Variants in TTN observed in about 807,000 individuals in gnomAD.
TTN encodes the protein titin.
TTN carries 1,525 observed loss-of-function variants against 3,223.0 expected under a neutral mutation model. The ratio of observed to expected loss-of-function variants is 0.47; its 90% CI spans 0.45 to 0.49. TTN has a LOEUF of 0.49. TTN is among the 20% of genes least tolerant of loss of function. TTN has a pLI of 0.00. For synonymous variants in TTN, 14,094 were observed against 15,161.0 expected, an observed-to-expected ratio of 0.93 and a Z score of 5.17; for missense variants, 40,786 against 43,424.0, an observed-to-expected ratio of 0.94 and a Z score of 5.40.
At position 178,545,705 on chromosome 2, in the gene TTN, A is replaced by G. The variant is rs1432461079; in HGVS notation, c.95417-12T>C. 1 of 1,607,968 alleles carries G rather than the reference A, an allele frequency of 6.2e-7. No homozygotes were observed. On this transcript the variant is annotated splice_polypyrimidine_tract_variant and intron_variant, in intron 343 of 362. Coordinates refer to ENST00000589042, the MANE Select transcript of TTN (RefSeq NM_001267550.2). Reference sequence around the variant, plus strand: ...TGGTGATGGAATAGCTGTTTATGAAAATAAGGATGATGAGAATTGCACAAA... The same window carrying G: ...TGGTGATGGAATAGCTGTTTATGAAGATAAGGATGATGAGAATTGCACAAA...
At chr2:178,713,615 TGTG>T in intron 92 of TTN, 1 of 692,542 alleles carries the variant, frequency 1.4e-6, no homozygotes, top group Non-Finnish European at 2.3e-6. Context: ...TGAAGAATTA[TGTG>T]GTGAATTATT....
chr2:178,552,073 C>G lies in TTN; in HGVS notation c.90827G>C (p.Cys30276Ser). The G allele has an allele frequency of 6.2e-7, 1 of 1,613,748 alleles. No individual in the cohort carries two copies. Among genetic ancestry groups the G allele is most frequent in the Non-Finnish European group, 8.5e-7 (1 of 1,179,762 alleles). The change falls in exon 335 of 363, where the codon TGT becomes TCT. Residue 30276 changes from cysteine (C) to serine (S), a missense_variant. Coordinates refer to ENST00000589042, the MANE Select transcript of TTN (RefSeq NM_001267550.2). Reference protein sequence around the residue: ...ETSQTNWKMVCSSVARTTFKV... With the variant: ...ETSQTNWKMVSSSVARTTFKV... Reference sequence around the variant, plus strand: ...GAAAGTCGTTCTGGCAACACTTGAACACACCATCTTCCAGTTAGTTTGTGA... The same window carrying G: ...GAAAGTCGTTCTGGCAACACTTGAAGACACCATCTTCCAGTTAGTTTGTGA...
At position 178,749,421 on chromosome 2, in the gene TTN, T is replaced by C. The variant is rs144226338; in HGVS notation, c.11311+3703A>G. Reference sequence around the variant, plus strand: ...CTGGGAATTTTTTCTCTAGAAGGTATGCAACGCACCTGCTCTTTCTGGTCT... The same window carrying C: ...CTGGGAATTTTTTCTCTAGAAGGTACGCAACGCACCTGCTCTTTCTGGTCT... On this transcript the variant is annotated intron_variant, in intron 47 of 362. Transcript: ENST00000589042. 674 of 1,613,146 alleles carry C rather than the reference T, an allele frequency of 4.2e-4. 4 individuals carry two copies. Among genetic ancestry groups the C allele is most frequent in the South Asian group, 2.1e-3 (195 of 91,066 alleles).
chr2:178,739,314 T>C lies in TTN; in HGVS notation c.13919A>G (p.Glu4640Gly), dbSNP rs1441462753. ...TTCATCTGAAGGCACCAGTTTATTCTCAAAATACCAATTCACCTCTTTAGC... is the reference window on the plus strand; with the variant it reads ...TTCATCTGAAGGCACCAGTTTATTCCCAAAATACCAATTCACCTCTTTAGC... Reference protein sequence around the residue: ...TNAKEVNWYFENKLVPSDEKF... With the variant: ...TNAKEVNWYFGNKLVPSDEKF... The change falls in exon 48 of 363, where the codon GAG (glutamate) becomes GGG (glycine). Residue 4640 changes from glutamate to glycine, a missense_variant. Transcript: ENST00000589042. 6 of 1,613,674 alleles carry C rather than the reference T, an allele frequency of 3.7e-6. No individual in the cohort carries two copies. The highest frequency in any genetic ancestry group is 4.2e-6 in the Non-Finnish European group (5 of 1,179,716).
chr2:178,594,227 T>G lies in TTN; in HGVS notation c.58166A>C (p.His19389Pro). The change falls in exon 297 of 363, where the codon CAC becomes CCC. Residue 19389 changes from histidine to proline, a missense_variant. Coordinates refer to ENST00000589042, the MANE Select transcript of TTN (RefSeq NM_001267550.2). ...CKDELAPPTL[H>P]LDFRDKLTIR... ...CGTGAGCTTATCTCTGAAGTCGAGG[T>G]GAAGCGTTGGGGGTGCTAAAATTTG... The G allele has an allele frequency of 6.2e-7, 1 of 1,613,098 alleles. No individual in the cohort carries two copies. Among genetic ancestry groups the G allele is most frequent in the Non-Finnish European group, 8.5e-7 (1 of 1,179,572 alleles).
chr2:178,684,887 A>G lies in TTN; in HGVS notation c.32554+19T>C. 1 of 1,583,882 alleles carries G rather than the reference A, an allele frequency of 6.3e-7. No individual in the cohort carries two copies. The highest frequency in any genetic ancestry group is 8.6e-7 in the Non-Finnish European group (1 of 1,162,850). Reference sequence around the variant, plus strand: ...ATTAAAAAAAGACAGTCTTGAGAATAAAATAAAATCCAATATACCTTTAGG... The same window carrying G: ...ATTAAAAAAAGACAGTCTTGAGAATGAAATAAAATCCAATATACCTTTAGG... On this transcript the variant is annotated intron_variant, in intron 130 of 362. Coordinates refer to ENST00000589042, the MANE Select transcript of TTN (RefSeq NM_001267550.2).
chr2:178,629,780 G>C (rs2059568001), intron 239 of TTN, among the ~76,000 whole-genome samples: 1 of 152,074 alleles, frequency 6.6e-6, no homozygotes, highest in South Asian at 2.1e-4. Context: ...AGGACAAGGG[G>C]CCCTCAATCA....
intron 270 of TTN, 132 bp downstream of exon 270, chr2:178,610,861 C>T: frequency 8.8e-7 from 1 of 1,138,070 alleles, no homozygotes; most frequent in Non-Finnish European, 1.2e-6. Flanking sequence ...TATGGAAAGA[C>T]ATAATCAGAA....
Position 178,734,464 on chromosome 2 carries a change from T to C in TTN, c.15360A>G (p.Lys5120=). 1 of 1,613,792 alleles carries C rather than the reference T, an allele frequency of 6.2e-7. No homozygotes were observed. Among genetic ancestry groups the C allele is most frequent in the East Asian group, 2.2e-5 (1 of 44,864 alleles). ...GAGACTTCTGAGAAAACAATCTGTA[T>C]TTTTTACTACTTCGAATTTGTTTCT... ...KDKKQIRSSK[K]YRLFSQKSLV... is the part of the protein sequence containing the mutation. The change falls in exon 52 of 363, where the codon AAA becomes AAG. Residue 5120 remains lysine, a synonymous_variant. Coordinates refer to ENST00000589042, the MANE Select transcript of TTN (RefSeq NM_001267550.2).
Position 178,748,580 on chromosome 2 carries a change from T to C in TTN, c.11311+4544A>G, listed in dbSNP as rs769050434. 4 of 1,613,066 alleles carry C rather than the reference T, an allele frequency of 2.5e-6. No homozygotes were observed. In the South Asian group the frequency reaches 3.3e-5, roughly 13 times the overall value. ...TACAATGTTCTCAGTGTCAGCAGGA[T>C]GTTGGATTTTAAAATAAGCTTCTTC... On this transcript the variant is annotated intron_variant, in intron 47 of 362. Transcript: ENST00000589042.
chr2:178,692,209 T>G, intron 120 of TTN, 110 bp from the exon 121 acceptor site: 1 of 1,029,422 alleles, frequency 9.7e-7, no homozygotes, highest in Non-Finnish European at 1.4e-6. Context: ...AATTAGGAAG[T>G]AATTTAAATA....
At chr2:178,686,283 G>C (rs1341195882) in intron 127 of TTN, among the ~76,000 whole-genome samples, 1 of 149,754 alleles carries the variant, frequency 6.7e-6, no homozygotes, top group African/African-American at 2.5e-5. Flanking sequence ...ACTACGCCCG[G>C]CTAATTTTTT....
In TTN at chr2:178,548,493, C is replaced by T; in HGVS notation, c.93133G>A (p.Gly31045Ser). ...LMWDAPLLDG[G>S]ARIHHYVVEK... Reference sequence around the variant, plus strand: ...ACCACATAATGATGGATTCGGGCACCACCGTCAAGAAGAGGGGCATCCCAC... The same window carrying T: ...ACCACATAATGATGGATTCGGGCACTACCGTCAAGAAGAGGGGCATCCCAC... Residue 31045 changes from glycine (G) to serine (S), a missense_variant, in exon 339 of 363, where the codon GGT becomes AGT. By Grantham distance (56) the Gly-to-Ser change is moderately conservative. Transcript: ENST00000589042. This position sits in a 1 kb window ranked among gnomAD's most constrained non-coding sequence, Gnocchi z 4.3. The T allele has an allele frequency of 1.2e-6, 2 of 1,613,840 alleles. No individual in the cohort carries two copies. The highest frequency in any genetic ancestry group is 8.5e-7 in the Non-Finnish European group (1 of 1,179,798).
chr2:178,703,493 A>G (rs1164168190), intron 106 of TTN, among the ~76,000 whole-genome samples: 2 of 152,216 alleles, frequency 1.3e-5, no homozygotes, highest in Admixed American at 1.3e-4. Flanking sequence ...TGTTTCAGCA[A>G]CTACGAATGG....
chr2:178,751,802 G>C, intron 47 of TTN: 14 of 1,613,040 alleles, frequency 8.7e-6, no homozygotes, highest in Non-Finnish European at 1.2e-5. Context: ...AGTCATTTCT[G>C]GAGTTGGACA....
rs1235722093 is a variant in TTN at position 178,557,805 on chromosome 2, T to A, written c.87549A>T (p.Ala29183=). The change falls in exon 328 of 363, where the codon GCA becomes GCT. Residue 29183 remains alanine (A), a synonymous_variant. Transcript: ENST00000589042. ...CTGTTGCAGACACTTCAGTCCACACTGCAGTACTTGTTTCTCTTTTGAGTA... is the reference window on the plus strand; with the variant it reads ...CTGTTGCAGACACTTCAGTCCACACAGCAGTACTTGTTTCTCTTTTGAGTA... ...YILLKRETST[A]VWTEVSATVA... 6.2e-7 allele frequency: 1 copy of A among 1,614,002 alleles called. No individual in the cohort carries two copies. Among genetic ancestry groups the A allele is most frequent in the Admixed American group, 1.7e-5 (1 of 60,030 alleles).
chr2:178,678,103 G>T (rs1045760886), intron 145 of TTN, 22 bp downstream of exon 145: 2 of 1,600,682 alleles, frequency 1.2e-6, no homozygotes, highest in African/African-American at 2.7e-5. Context: ...TTTTACCATG[G>T]CTCTGTTACA....
At position 178,529,873 on chromosome 2, in the gene TTN, G is replaced by A. The variant is rs1688281348; in HGVS notation, c.106531+87C>T. The A allele has an allele frequency of 2.3e-6, 3 of 1,316,474 alleles. No individual in the cohort carries two copies. The Admixed American group carries it at 7.6e-5, about 34-fold the overall frequency. 81.5% of individuals were successfully genotyped at this position (1,316,474 alleles called of 1,614,324 possible). A position where few individuals can be genotyped will look rare whatever the true frequency, so the allele number is the denominator to read the frequency against. On this transcript the variant is annotated intron_variant, in intron 359 of 362. Coordinates refer to ENST00000589042, the MANE Select transcript of TTN (RefSeq NM_001267550.2). ...AATAATTTTATTTTAATACTTTCTT[G>A]TATGTGTATATAAGGGGGGATGTTT... is the stretch of plus-strand genomic sequence containing the variant.
At chr2:178,697,290 G>A (rs188440012) in intron 112 of TTN, 122 bp from the exon 113 acceptor site, 1 of 703,958 alleles carries the variant, frequency 1.4e-6, no homozygotes. Context: ...TCATACACCA[G>A]CCCTTCCAGG....
Sources: allele counts gnomAD v4.1 joint callset (sites outside exome capture counted in the v4.1 genomes callset), GRCh38; gene constraint gnomAD v4.1.1; non-coding constraint Gnocchi (gnomAD v3.1); transcripts MANE v1.5; gene names NCBI Gene and HGNC (gene_info 2026-07-23, HGNC 2026-07-21).